HNRNPM: variants seen among roughly 807,000 people sequenced by gnomAD.
The protein encoded by HNRNPM is CEA receptor.
In HNRNPM, 11 loss-of-function variants were observed where a neutral mutation model predicts 73.1. That is an observed-to-expected ratio of 0.15 (90% CI 0.09 to 0.25). The LOEUF (loss-of-function observed/expected upper bound fraction) is 0.25, where lower values mean the gene tolerates loss of function less well. Ranked by LOEUF, HNRNPM falls within the 10% of genes least tolerant of loss-of-function variation. HNRNPM has a pLI of 1.00. For synonymous variants in HNRNPM, 407 were observed against 355.2 expected, an observed-to-expected ratio of 1.15 and a Z score of -1.64; for missense variants, 789 against 1,067.9, an observed-to-expected ratio of 0.74 and a Z score of 3.64.
chr19:8,452,126 T>G (rs1358789010), intron 1 of HNRNPM, among the ~76,000 whole-genome samples: 2 of 152,150 alleles, frequency 1.3e-5, no homozygotes, highest in African/African-American at 4.8e-5. Context: ...TGTGGTTAGA[T>G]TGGATAGTTT....
At chr19:8,478,870 C>T (rs1019196018) in intron 12 of HNRNPM, among the ~76,000 whole-genome samples, 1 of 152,076 alleles carries the variant, frequency 6.6e-6, no homozygotes, top group African/African-American at 2.4e-5. Context: ...AGTTTCCTTA[C>T]CCCAGGGTGC....
At chr19:8,460,086 C>A (rs181393906) in intron 2 of HNRNPM, among the ~76,000 whole-genome samples, 3 of 152,124 alleles carry the variant, frequency 2.0e-5, no homozygotes, top group African/African-American at 4.8e-5. Flanking sequence ...CAAGCTGTCA[C>A]CTCTACCCCT....
chr19:8,463,820 TGTCG>T (rs1388572419), intron 5 of HNRNPM, 134 bp downstream of exon 5: 5 of 642,748 alleles, frequency 7.8e-6, no homozygotes, highest in Admixed American at 5.4e-5. Flanking sequence ...TAATGAAGAG[TGTCG>T]GTCATAGCCT....
rs756859842 is a variant in HNRNPM, at chr19:8,445,111, G to A, written c.113G>A (p.Gly38Asp). 4 of 1,406,282 alleles carry A rather than the reference G, an allele frequency of 2.8e-6. No homozygotes were observed. Among genetic ancestry groups the A allele is most frequent in the East Asian group, 3.0e-5 (1 of 33,428 alleles). 87.1% of individuals were successfully genotyped at this position (1,406,282 alleles called of 1,614,324 possible). ...PSGNGAPGPK[G>D]EGERPAQNEK... The stretch of plus-strand genomic sequence containing the variant: ...GGCAACGGGGCTCCGGGCCCTAAGG[G>A]GTGAGTATCCCACGGTCCTTTGCCA... The change falls in exon 1 of 16, where the codon GGT becomes GAT. Residue 38 changes from glycine (G) to aspartate (D), a missense_variant and splice_region_variant. Gly to Asp is a moderately conservative substitution (Grantham distance 94). Around this residue, in one of 4 missense-constraint regions of HNRNPM, gnomAD observed 79 missense variants for 70.7 expected, o/e 1.12. Transcript: ENST00000325495.
chr19:8,473,214 G>T (rs943413643), intron 10 of HNRNPM, among the ~76,000 whole-genome samples: 4 of 152,090 alleles, frequency 2.6e-5, no homozygotes, highest in Admixed American at 6.5e-5. Context: ...CTGCATTCCA[G>T]CCCCAGTGAC....
At chr19:8,459,154 T>G (rs1398685410) in intron 2 of HNRNPM, among the ~76,000 whole-genome samples, 1 of 152,216 alleles carries the variant, frequency 6.6e-6, no homozygotes, top group Non-Finnish European at 1.5e-5. Flanking sequence ...CTTGAACTCC[T>G]GACCTCAGGT....
At chr19:8,457,291 A>G (rs1230310323) in intron 2 of HNRNPM, among the ~76,000 whole-genome samples, 1 of 152,256 alleles carries the variant, frequency 6.6e-6, no homozygotes, top group Non-Finnish European at 1.5e-5. Context: ...TAGTAGCAGC[A>G]GCAGCCATGG....
chr19:8,465,398 A>G lies in HNRNPM; in HGVS notation c.513A>G (p.Pro171=), dbSNP rs1307602286. 2 of 1,613,828 alleles carry G rather than the reference A, an allele frequency of 1.2e-6. No individual in the cohort carries two copies. The change falls in exon 6 of 16, where the codon CCA becomes CCG. Residue 171 remains proline, a synonymous_variant. Transcript: ENST00000325495. The part of the protein sequence containing the change: ...MATTGGMGMG[P]GGPGMITIPP... ...CGACTGGTGGGATGGGTATGGGACCAGGTGGCCCAGGAATGATTACTATCC... is the reference window on the plus strand; with the variant it reads ...CGACTGGTGGGATGGGTATGGGACCGGGTGGCCCAGGAATGATTACTATCC...
intron 2 of HNRNPM, among the ~76,000 whole-genome samples, chr19:8,460,236 G>A (rs1288252049): frequency 6.6e-6 from 1 of 151,980 alleles, no homozygotes; most frequent in Non-Finnish European, 1.5e-5. Context: ...ATAAATCTTT[G>A]CTTTGCTATT....
At chr19:8,447,802 A>G (rs1004070404) in intron 1 of HNRNPM, among the ~76,000 whole-genome samples, 12 of 152,140 alleles carry the variant, frequency 7.9e-5, no homozygotes, top group Non-Finnish European at 1.8e-4. Context: ...CGAGGCGGGC[A>G]GATCACGAGG....
chr19:8,477,815 G>T (rs781447217), intron 12 of HNRNPM, among the ~76,000 whole-genome samples: 2 of 152,212 alleles, frequency 1.3e-5, no homozygotes, highest in African/African-American at 4.8e-5. Context: ...ACGCATTTCT[G>T]TGTTAGGGCA....
chr19:8,484,600 C>T lies in HNRNPM; in HGVS notation c.1175-1003C>T, dbSNP rs528566842. The stretch of plus-strand genomic sequence containing the variant: ...TTCTTAGAGTCGGGCCTGCTTTGGC[C>T]GCTCACTGTGTGCTGTGCAGCTAGA... On this transcript the variant is annotated intron_variant, in intron 13 of 15. Coordinates refer to ENST00000325495, the MANE Select transcript of HNRNPM (RefSeq NM_005968.5). Among the ~76,000 whole-genome samples, 6 of 152,344 alleles carry T rather than the reference C, an allele frequency of 3.9e-5. No homozygotes were observed. In the East Asian group the frequency reaches 7.7e-4, roughly 20 times the overall value.
intron 2 of HNRNPM, among the ~76,000 whole-genome samples, chr19:8,456,170 C>T (rs531791549): frequency 3.2e-4 from 49 of 152,198 alleles, no homozygotes; most frequent in East Asian, 2.5e-3. Context: ...TGCTTTGTAA[C>T]GCGGTGCCTT....
chr19:8,468,702 A>G (rs1402575657), intron 8 of HNRNPM, 72 bp from the exon 9 acceptor site: 3 of 1,158,746 alleles, frequency 2.6e-6, no homozygotes, highest in Non-Finnish European at 3.9e-6. Flanking sequence ...ATGGGGGGCC[A>G]TTTCAGTCTT....
At position 8,453,377 on chromosome 19, in the gene HNRNPM, G is replaced by C. The variant is rs530825213; in HGVS notation, c.114-2028G>C. Among the ~76,000 whole-genome samples, 5 of 151,100 alleles carry C rather than the reference G, an allele frequency of 3.3e-5. No individual in the cohort carries two copies. In the East Asian group the frequency reaches 9.9e-4, roughly 30 times the overall value. ...GCTGGTCTTGAACTCCTGACCTCAA[G>C]TGATACACCTGCCTGAGCCTCCCAA... On this transcript the variant is annotated intron_variant, in intron 1 of 15. Coordinates refer to ENST00000325495, the MANE Select transcript of HNRNPM (RefSeq NM_005968.5).
chr19:8,481,649 C>G (rs2145740208), intron 12 of HNRNPM: 1 of 152,308 alleles, frequency 6.6e-6, no homozygotes, highest in South Asian at 2.1e-4. Flanking sequence ...GTCAGTAAAG[C>G]CCCTTATCCC....
chr19:8,459,667 T>A (rs1271127360), intron 2 of HNRNPM, among the ~76,000 whole-genome samples: 1 of 152,196 alleles, frequency 6.6e-6, no homozygotes, highest in East Asian at 1.9e-4. Context: ...TTTTCAGACT[T>A]GAGCAGTAAA....
intron 2 of HNRNPM, among the ~76,000 whole-genome samples, chr19:8,460,475 A>G (rs1489740203): frequency 1.3e-5 from 2 of 152,220 alleles, no homozygotes; most frequent in African/African-American, 4.8e-5. Context: ...TGAGGTAAAA[A>G]GAGGGAGAAC....
intron 11 of HNRNPM, 34 bp from the exon 12 acceptor site, chr19:8,474,133 T>C: frequency 1.3e-6 from 2 of 1,500,130 alleles, no homozygotes; most frequent in African/African-American, 1.4e-5. Flanking sequence ...AGCAGTCTTG[T>C]TGGATGATGC....
Sources: gnomAD v4.1 joint callset for allele counts (sites outside exome capture counted in the v4.1 genomes callset) on GRCh38, gnomAD v4.1.1 for gene constraint, gnomAD v4.1.1 regional missense constraint, MANE v1.5 for transcripts, NCBI Gene and HGNC (gene_info 2026-07-23, HGNC 2026-07-21) for gene names.